The following OCIAD2 variants were observed in gnomAD, a reference collection of about 807,000 sequenced individuals.
OCIAD2 encodes the protein OCIA domain containing 2.
In OCIAD2, 29 loss-of-function variants were observed where a neutral mutation model predicts 22.9. That is an observed-to-expected ratio of 1.27 (90% CI 0.94 to 1.73). The LOEUF (loss-of-function observed/expected upper bound fraction) is 1.73. OCIAD2 is among the 40% of genes most tolerant of loss of function. OCIAD2 has a pLI of 0.00. For missense variants in OCIAD2, 189 were observed against 180.3 expected (o/e 1.05, Z -0.28); for synonymous variants, 67 against 60.2 (o/e 1.11, Z -0.52).
intron 6 of OCIAD2, among the ~76,000 whole-genome samples, chr4:48,885,893 G>A (rs902300414): frequency 6.6e-6 from 1 of 152,128 alleles, no homozygotes; most frequent in Non-Finnish European, 1.5e-5. Flanking sequence ...CACTCTGAAG[G>A]TAGTTTCTTT....
At chr4:48,901,337 G>T (rs1392163251) in intron 2 of OCIAD2, among the ~76,000 whole-genome samples, 1 of 152,042 alleles carries the variant, frequency 6.6e-6, no homozygotes, top group Non-Finnish European at 1.5e-5. Context: ...AAAGCTCAGG[G>T]TGTGCATATT....
In OCIAD2 at chr4:48,885,277, C is replaced by A; in HGVS notation, c.*207G>T. On this transcript the variant is annotated 3_prime_UTR_variant, in exon 7 of 7. Coordinates refer to ENST00000508632, the MANE Select transcript of OCIAD2 (RefSeq NM_001014446.3). The stretch of plus-strand genomic sequence containing the variant: ...GTACTGGGATTACAGGCATGAGCCA[C>A]TGCGCCATGCCCCGACATGTTCTTA... 1 of 532,218 alleles carries A rather than the reference C, an allele frequency of 1.9e-6. No homozygotes were observed. The highest frequency in any genetic ancestry group is 3.3e-6 in the Non-Finnish European group (1 of 298,510). 33.0% of individuals were successfully genotyped at this position (532,218 alleles called of 1,614,324 possible).
chr4:48,904,187 C>T (rs143450524), intron 2 of OCIAD2, among the ~76,000 whole-genome samples: 2,104 of 152,114 alleles, frequency 0.014, 17 homozygotes, highest in Non-Finnish European at 0.022. Context: ...CATGGTGGCT[C>T]ACGCCTGTAA....
chr4:48,900,343 C>G (rs1286041069), intron 2 of OCIAD2, among the ~76,000 whole-genome samples: 1 of 152,168 alleles, frequency 6.6e-6, no homozygotes, highest in Non-Finnish European at 1.5e-5. Context: ...GAGATTTTCC[C>G]TATAGCACAA....
chr4:48,892,406 T>G lies in OCIAD2; in HGVS notation c.383+366A>C, dbSNP rs1239608407. ...TGCCTATTTCCCCTATTTAGAATCA[T>G]GATATATACAGTATTAACATAGAAA... On this transcript the variant is annotated intron_variant, in intron 6 of 6. Coordinates refer to ENST00000508632, the MANE Select transcript of OCIAD2 (RefSeq NM_001014446.3). Among the ~76,000 whole-genome samples the G allele has an allele frequency of 3.3e-5, 5 of 152,268 alleles. No homozygotes were observed. The East Asian group carries it at 9.7e-4, about 29-fold the overall frequency.
Position 48,901,818 on chromosome 4 carries a change from C to T in OCIAD2, c.67-1893G>A, listed in dbSNP as rs79718595. ...AGTATAGTGGTGCCATCATAGCTCA[C>T]TGCAGCCTCGAACTCCTGGGCTCAA... On this transcript the variant is annotated intron_variant, in intron 2 of 6. Coordinates refer to ENST00000508632, the MANE Select transcript of OCIAD2 (RefSeq NM_001014446.3). Among the ~76,000 whole-genome samples, 475 of 152,310 alleles carry T rather than the reference C, an allele frequency of 3.1e-3. 1 individual carries two copies. The highest frequency in any genetic ancestry group is 0.011 in the African/African-American group (445 of 41,564).
intron 1 of OCIAD2, 95 bp from the exon 2 acceptor site, chr4:48,904,706 G>T: frequency 1.4e-6 from 1 of 701,692 alleles, no homozygotes; most frequent in Non-Finnish European, 2.4e-6. Flanking sequence ...TTTGGAAAAT[G>T]TGTTTTTCCT....
intron 6 of OCIAD2, among the ~76,000 whole-genome samples, chr4:48,890,552 T>G (rs1781141148): frequency 6.6e-6 from 1 of 152,168 alleles, no homozygotes; most frequent in Non-Finnish European, 1.5e-5. Context: ...TCATGATACT[T>G]CCAGAATTTC....
At chr4:48,896,357 AGG>A (rs945628943) in intron 4 of OCIAD2, among the ~76,000 whole-genome samples, 1 of 152,046 alleles carries the variant, frequency 6.6e-6, no homozygotes, top group Admixed American at 6.5e-5. Flanking sequence ...TGGGAGGCTG[AGG>A]TGGGAGGATC....
intron 5 of OCIAD2, 24 bp from the exon 6 acceptor site, chr4:48,892,913 T>C (rs372178946): frequency 1.0e-5 from 13 of 1,238,164 alleles, no homozygotes; most frequent in Non-Finnish European, 1.5e-5. Context: ...TTGGGAGAGA[T>C]TAGTTGAGAA....
chr4:48,888,182 A>AT (rs1203059217), intron 6 of OCIAD2, among the ~76,000 whole-genome samples: 1 of 152,130 alleles, frequency 6.6e-6, no homozygotes, highest in Non-Finnish European at 1.5e-5. Context: ...TTGCACATTG[A>AT]TTTTGTATTC....
chr4:48,894,034 A>G lies in OCIAD2; in HGVS notation c.237T>C (p.Ser79=). The change falls in exon 5 of 7, where the codon TCT becomes TCC. Residue 79 remains serine (S), a synonymous_variant. Coordinates refer to ENST00000508632, the MANE Select transcript of OCIAD2 (RefSeq NM_001014446.3). ...CAACTTTGGGCAATGATCCAAATCT[A>G]GAATTAGCTGCCAAATAACCTAAGG... ...LVYQGYLAAN[S]RFGSLPKVAL... 1.3e-6 allele frequency: 2 copies of G among 1,507,802 alleles called. No individual in the cohort carries two copies. The highest frequency in any genetic ancestry group is 1.8e-6 in the Non-Finnish European group (2 of 1,121,568). 93.4% of individuals were successfully genotyped at this position (1,507,802 alleles called of 1,614,324 possible).
intron 5 of OCIAD2, 55 bp from the exon 6 acceptor site, chr4:48,892,944 C>A: frequency 1.1e-6 from 1 of 869,954 alleles, no homozygotes; most frequent in South Asian, 1.8e-5. Flanking sequence ...TAGTTATTTT[C>A]TAGAGCTTTA....
intron 4 of OCIAD2, among the ~76,000 whole-genome samples, chr4:48,895,772 G>A (rs1344799668): frequency 6.6e-6 from 1 of 152,140 alleles, no homozygotes; most frequent in African/African-American, 2.4e-5. Flanking sequence ...TCAGCACTTT[G>A]GGAGGCTGAG....
Position 48,904,606 on chromosome 4 carries a change from C to T in OCIAD2, c.-57G>A, listed in dbSNP as rs866068187. 6.7e-7 allele frequency: 1 copy of T among 1,484,966 alleles called. No individual in the cohort carries two copies. Among genetic ancestry groups the T allele is most frequent in the Middle Eastern group, 1.7e-4 (1 of 5,842 alleles). 92.0% of individuals were successfully genotyped at this position (1,484,966 alleles called of 1,614,324 possible). A position where few individuals can be genotyped will look rare whatever the true frequency, so the allele number is the denominator to read the frequency against. On this transcript the variant is annotated 5_prime_UTR_variant, in exon 2 of 7. Coordinates refer to ENST00000508632, the MANE Select transcript of OCIAD2 (RefSeq NM_001014446.3). ...TTTATCCTCTGCTTACTCCTTGACC[C>T]AGTGTCTAAGGAAGGTAGAAGAGAA...
chr4:48,901,893 C>A (rs2109683345), intron 2 of OCIAD2, among the ~76,000 whole-genome samples: 1 of 152,166 alleles, frequency 6.6e-6, no homozygotes, highest in Admixed American at 6.5e-5. Flanking sequence ...TAGGTGCACA[C>A]CATCATGCCC....
Position 48,894,069 on chromosome 4 carries a change from G to T in OCIAD2, c.218-16C>A. Reference sequence around the variant, plus strand: ...GCCAAATAACCTAAGGAGTAATAAAGAAAAACATTATTATTTCATTTCATA... The same window carrying T: ...GCCAAATAACCTAAGGAGTAATAAATAAAAACATTATTATTTCATTTCATA... On this transcript the variant is annotated splice_polypyrimidine_tract_variant and intron_variant, in intron 4 of 6. Transcript: ENST00000508632. 3 of 1,304,342 alleles carry T rather than the reference G, an allele frequency of 2.3e-6. No individual in the cohort carries two copies. The highest frequency in any genetic ancestry group is 3.1e-6 in the Non-Finnish European group (3 of 964,018). 80.8% of individuals were successfully genotyped at this position (1,304,342 alleles called of 1,614,324 possible).
intron 6 of OCIAD2, among the ~76,000 whole-genome samples, chr4:48,891,193 C>T (rs553792233): frequency 2.6e-5 from 4 of 152,298 alleles, no homozygotes; most frequent in Admixed American, 1.3e-4. Flanking sequence ...GCTGTAGCTC[C>T]TACTACTTGA....
chr4:48,903,806 C>T (rs1171337432), intron 2 of OCIAD2, among the ~76,000 whole-genome samples: 4 of 151,692 alleles, frequency 2.6e-5, no homozygotes, highest in East Asian at 3.9e-4. Flanking sequence ...CCACCATGCC[C>T]GGCTATTTTT....
Sources: allele counts gnomAD v4.1 joint callset (sites outside exome capture counted in the v4.1 genomes callset), GRCh38; gene constraint gnomAD v4.1.1; transcripts MANE v1.5; gene names NCBI Gene and HGNC (gene_info 2026-07-23, HGNC 2026-07-21).